Variants in MARCHF11 observed in about 807,000 individuals in gnomAD.
MARCHF11 encodes membrane associated ring-CH-type finger 11.
In MARCHF11, 29 loss-of-function variants were observed where a neutral mutation model predicts 37.3. The observed-to-expected ratio is 0.78, with a 90% CI of 0.58 to 1.06. MARCHF11 has a LOEUF of 1.06. MARCHF11 is among the 50% of genes least tolerant of loss of function. The pLI, the probability that MARCHF11 is intolerant of heterozygous loss-of-function variation, is 0.00. For missense variants in MARCHF11, 482 were observed against 533.4 expected, an observed-to-expected ratio of 0.90 and a Z score of 0.95; for synonymous variants, 233 against 228.0, an observed-to-expected ratio of 1.02 and a Z score of -0.20.
chr5:16,095,927 T>C (rs1736860399), intron 2 of MARCHF11, among the ~76,000 whole-genome samples: 2 of 152,178 alleles, frequency 1.3e-5, no homozygotes. Flanking sequence ...AATTCTGACT[T>C]TAGTTTCCAC....
intron 3 of MARCHF11, among the ~76,000 whole-genome samples, chr5:16,074,894 G>A (rs1261639976): frequency 6.6e-6 from 1 of 152,146 alleles, no homozygotes; most frequent in Non-Finnish European, 1.5e-5. Flanking sequence ...GAAAATCAGT[G>A]TTCATTCTAT....
chr5:16,099,459 C>T (rs937543309), intron 2 of MARCHF11, among the ~76,000 whole-genome samples: 1 of 151,810 alleles, frequency 6.6e-6, no homozygotes, highest in South Asian at 2.1e-4. Flanking sequence ...TTTTTAAATG[C>T]CAAAAATAAA....
Position 16,179,218 on chromosome 5 carries a change from CG to C in MARCHF11, c.357del (p.Glu121SerfsTer63). 1.5e-6 allele frequency: 2 copies of C among 1,350,228 alleles called. No individual in the cohort carries two copies. Among genetic ancestry groups the C allele is most frequent in the Admixed American group, 3.4e-5 (1 of 29,814 alleles). 83.6% of individuals were successfully genotyped at this position (1,350,228 alleles called of 1,614,324 possible). A position where few individuals can be genotyped will look rare whatever the true frequency, so the allele number is the denominator to read the frequency against. ...LPEAAAAKGG[P>X]GESEAGAGGE... ...CCGCCCGCGCCGGCCTCAGACTCCC[CG>C]GGGCCGCCTTTCGCTGCTGCCGCCT... On this transcript the variant is annotated frameshift_variant, in exon 1 of 4. Transcript: ENST00000332432. LOFTEE classifies it high-confidence loss of function.
intron 3 of MARCHF11, among the ~76,000 whole-genome samples, chr5:16,075,251 C>G (rs527541381): frequency 7.2e-5 from 11 of 152,258 alleles, no homozygotes; most frequent in African/African-American, 2.4e-4. Flanking sequence ...TCTTGGCAAA[C>G]CTGAGCTTAA....
intron 2 of MARCHF11, chr5:16,141,395 C>A (rs1244506432): frequency 6.6e-6 from 1 of 152,180 alleles, no homozygotes; most frequent in Admixed American, 6.5e-5. Context: ...AAATCCTCTT[C>A]AGCAGTCAAC....
intron 2 of MARCHF11, among the ~76,000 whole-genome samples, chr5:16,092,540 A>C (rs2126557979): frequency 6.6e-6 from 1 of 152,248 alleles, no homozygotes; most frequent in African/African-American, 2.4e-5. Context: ...AACAATGAGA[A>C]CACATGGACA....
In MARCHF11 at chr5:16,084,642, CA is replaced by C. The variant is rs1400150656; in HGVS notation, c.886+6246del. ...AGGGTGACAGAGCAAGACTCTGTGT[CA>C]AAAAAACAAAAAAAAAAAAGAATTT... On this transcript the variant is annotated intron_variant, in intron 3 of 3. Coordinates refer to ENST00000332432, the MANE Select transcript of MARCHF11 (RefSeq NM_001102562.3). Among the ~76,000 whole-genome samples, 17 of 129,204 alleles carry C rather than the reference CA, an allele frequency of 1.3e-4. No individual in the cohort carries two copies. The Admixed American group carries it at 1.3e-3, about 10-fold the overall frequency. 84.8% of individuals were successfully genotyped at this position (129,204 alleles called of 152,430 possible). A position where few individuals can be genotyped will look rare whatever the true frequency, so the allele number is the denominator to read the frequency against.
chr5:16,176,597 C>T (rs945491850), intron 2 of MARCHF11, among the ~76,000 whole-genome samples: 14 of 152,226 alleles, frequency 9.2e-5, no homozygotes, highest in Middle Eastern at 3.4e-3. Context: ...GGTTGCTAAT[C>T]ATGCATTAAA....
intron 2 of MARCHF11, among the ~76,000 whole-genome samples, chr5:16,105,953 A>G (rs552075240): frequency 6.6e-6 from 1 of 152,082 alleles, no homozygotes; most frequent in African/African-American, 2.4e-5. Context: ...TTACCTTCAA[A>G]CGGCTCACAA....
At chr5:16,139,026 A>T (rs971554430) in intron 2 of MARCHF11, among the ~76,000 whole-genome samples, 5 of 152,212 alleles carry the variant, frequency 3.3e-5, no homozygotes, top group Non-Finnish European at 7.3e-5. Context: ...GTTAATGCTG[A>T]AATGAATTAA....
At chr5:16,157,685 T>TTTTGTATTTA (rs1264463638) in intron 2 of MARCHF11, among the ~76,000 whole-genome samples, 1 of 151,894 alleles carries the variant, frequency 6.6e-6, no homozygotes, top group East Asian at 2.0e-4. Context: ...AAAAATCAAC[T>TTTTGTATTTA]CAAAATGATT....
intron 2 of MARCHF11, among the ~76,000 whole-genome samples, chr5:16,102,189 G>A (rs1005879568): frequency 2.0e-5 from 3 of 152,220 alleles, no homozygotes; most frequent in Non-Finnish European, 4.4e-5. Context: ...GGCTGAGTCA[G>A]TAACAGAAAA....
At chr5:16,096,514 G>A (rs890091737) in intron 2 of MARCHF11, among the ~76,000 whole-genome samples, 1 of 152,200 alleles carries the variant, frequency 6.6e-6, no homozygotes, top group African/African-American at 2.4e-5. Flanking sequence ...GGGTATCTTT[G>A]TGTGGGAGGT....
Position 16,179,033 on chromosome 5 carries a change from C to T in MARCHF11, c.537+6G>A. The T allele has an allele frequency of 6.8e-7, 1 of 1,466,838 alleles. No individual in the cohort carries two copies. Among genetic ancestry groups the T allele is most frequent in the Non-Finnish European group, 9.0e-7 (1 of 1,114,898 alleles). The allele number at this position is 1,466,838 out of a possible 1,614,324, so 90.9% of individuals were successfully genotyped here. ...CCGGCTGCCTCGGGGTCTCGCCGGG[C>T]CTTACCTGCTCCGCGCCCTGGAAGC... On this transcript the variant is annotated splice_donor_region_variant and intron_variant, in intron 1 of 3. Transcript: ENST00000332432.
chr5:16,169,126 C>T (rs949041870), intron 2 of MARCHF11, among the ~76,000 whole-genome samples: 13 of 152,020 alleles, frequency 8.6e-5, no homozygotes, highest in Admixed American at 8.5e-4. Context: ...ATTCTTCATT[C>T]ATTTGAATGA....
At chr5:16,108,625 C>A (rs1737085767) in intron 2 of MARCHF11, among the ~76,000 whole-genome samples, 1 of 152,008 alleles carries the variant, frequency 6.6e-6, no homozygotes, top group African/African-American at 2.4e-5. Context: ...CTTCCAGACG[C>A]CCCAGCTGGC....
chr5:16,125,554 C>T (rs1737389205), intron 2 of MARCHF11, among the ~76,000 whole-genome samples: 1 of 151,858 alleles, frequency 6.6e-6, no homozygotes, highest in Admixed American at 6.6e-5. Context: ...CTTTTAAAGG[C>T]AGCCAAGACC....
At chr5:16,176,794 G>T (rs1325093392) in intron 2 of MARCHF11, among the ~76,000 whole-genome samples, 2 of 151,992 alleles carry the variant, frequency 1.3e-5, no homozygotes, top group Non-Finnish European at 2.9e-5. Flanking sequence ...TAGCAACAAG[G>T]AACACGAGAA....
intron 2 of MARCHF11, among the ~76,000 whole-genome samples, chr5:16,165,971 T>C (rs1738162587): frequency 6.6e-6 from 1 of 152,090 alleles, no homozygotes; most frequent in Non-Finnish European, 1.5e-5. Flanking sequence ...AGTGCAATTA[T>C]TTGGAATTCT....
Sources: allele counts gnomAD v4.1 joint callset (sites outside exome capture counted in the v4.1 genomes callset), GRCh38; gene constraint gnomAD v4.1.1; transcripts MANE v1.5; gene names NCBI Gene and HGNC (gene_info 2026-07-23, HGNC 2026-07-21).